The following SPNS3 variants were observed in gnomAD, a reference collection of about 807,000 sequenced individuals.
SPNS3 encodes the protein SPNS lysolipid transporter 3, sphingosine-1-phosphate (putative).
Under a neutral mutation model 54.4 loss-of-function variants are expected in SPNS3, and 51 were observed. The ratio of observed to expected loss-of-function variants is 0.94; its 90% CI spans 0.75 to 1.18. SPNS3 has a LOEUF of 1.18. Ranked by LOEUF, SPNS3 falls within the 50% of genes most tolerant of loss-of-function variation. The probability of loss-of-function intolerance (pLI) is 0.00; values close to 1 mark genes in which losing one functional copy is unlikely to be tolerated. For missense variants in SPNS3, 669 were observed against 677.4 expected (o/e 0.99, Z 0.14); for synonymous variants, 309 against 294.7 (o/e 1.05, Z -0.50).
At chr17:4,487,167 CAA>C (rs35822922) in intron 11 of SPNS3, among the ~76,000 whole-genome samples, 3,488 of 70,338 alleles carry the variant, frequency 0.05, 109 homozygotes, top group African/African-American at 0.18. Context: ...AAGACTGTCT[CAA>C]AAAAAAAAAA....
intron 2 of SPNS3, 168 bp from the exon 3 acceptor site, chr17:4,444,864 G>T: frequency 2.5e-6 from 2 of 801,146 alleles, no homozygotes; most frequent in Non-Finnish European, 4.0e-6. Context: ...GCTGCATGTT[G>T]GCCACGCACT....
At chr17:4,443,097 C>G (rs535182171) in intron 2 of SPNS3, among the ~76,000 whole-genome samples, 2 of 151,284 alleles carry the variant, frequency 1.3e-5, no homozygotes, top group African/African-American at 4.9e-5. Context: ...TTGAGAGAGA[C>G]TCTCGCTCTG....
intron 8 of SPNS3, among the ~76,000 whole-genome samples, chr17:4,469,310 C>T (rs1265746296): frequency 6.6e-6 from 1 of 152,006 alleles, no homozygotes; most frequent in African/African-American, 2.4e-5. Context: ...TGCTCTGGAA[C>T]TACTGGGCTT....
intron 9 of SPNS3, among the ~76,000 whole-genome samples, chr17:4,481,779 T>C (rs1209916374): frequency 6.6e-6 from 1 of 152,104 alleles, no homozygotes; most frequent in Non-Finnish European, 1.5e-5. Flanking sequence ...CCCCAGGCTA[T>C]AAGGATAGAA....
chr17:4,467,747 C>T (rs1186694492), intron 8 of SPNS3, among the ~76,000 whole-genome samples: 1 of 152,038 alleles, frequency 6.6e-6, no homozygotes, highest in African/African-American at 2.4e-5. Flanking sequence ...CTCACTGCAA[C>T]CTCTGCCTGC....
At chr17:4,477,309 G>A (rs2144198474) in intron 8 of SPNS3, among the ~76,000 whole-genome samples, 1 of 152,338 alleles carries the variant, frequency 6.6e-6, no homozygotes, top group East Asian at 1.9e-4. Context: ...GACAGGGCTG[G>A]TGCGTGGCAG....
At chr17:4,446,861 C>A in intron 4 of SPNS3, 35 bp from the exon 5 acceptor site, 1 of 1,605,660 alleles carries the variant, frequency 6.2e-7, no homozygotes, top group South Asian at 1.1e-5. Flanking sequence ...GCCTCCCTCC[C>A]CTCACAGCCC....
At position 4,449,382 on chromosome 17, in the gene SPNS3, C is replaced by T. The variant is rs145630563; in HGVS notation, c.918C>T (p.Pro306=). The T allele has an allele frequency of 2.3e-5, 37 of 1,594,362 alleles. No homozygotes were observed. In the African/African-American group the frequency reaches 2.4e-4, roughly 10 times the overall value. The change falls in exon 7 of 12, where the codon CCC becomes CCT. Residue 306 remains proline (P), a synonymous_variant. Transcript: ENST00000355530. ...GCTTCCAGGAGCCGTGCAGCAACCC[C>T]GACAGGTGAGGGCATCCGGGGGCCC... ...PPCFQEPCSN[P]DSLIFGALTI...
intron 2 of SPNS3, 149 bp from the exon 3 acceptor site, chr17:4,444,883 C>T: frequency 2.1e-6 from 2 of 953,004 alleles, no homozygotes; most frequent in Middle Eastern, 3.3e-4. Context: ...CTGTGAGGTT[C>T]ACCTTATCTT....
chr17:4,482,285 C>T (rs569621407), intron 9 of SPNS3: 4 of 152,238 alleles, frequency 2.6e-5, no homozygotes, highest in East Asian at 1.9e-4. Flanking sequence ...GGCTTGGAGA[C>T]GTCATTGTGC....
chr17:4,449,934 C>T (rs1003317047), intron 7 of SPNS3, among the ~76,000 whole-genome samples: 1 of 152,162 alleles, frequency 6.6e-6, no homozygotes. Flanking sequence ...CTGGGCTCCA[C>T]TTCTGTTCCT....
At chr17:4,474,205 T>A (rs1971929337) in intron 8 of SPNS3, among the ~76,000 whole-genome samples, 1 of 152,180 alleles carries the variant, frequency 6.6e-6, no homozygotes, top group Non-Finnish European at 1.5e-5. Flanking sequence ...CCCACCTGCC[T>A]GCCCACTGGC....
chr17:4,455,511 G>A (rs1048181794), intron 8 of SPNS3, among the ~76,000 whole-genome samples: 1 of 152,176 alleles, frequency 6.6e-6, no homozygotes, highest in African/African-American at 2.4e-5. Flanking sequence ...CCTGGTTTTT[G>A]CTTTGCCCAA....
At chr17:4,485,518 C>T (rs1434228517) in intron 9 of SPNS3, among the ~76,000 whole-genome samples, 10 of 152,132 alleles carry the variant, frequency 6.6e-5, no homozygotes, top group Non-Finnish European at 1.0e-4. Flanking sequence ...CTGCCTCAAC[C>T]TCCCGAGTAG....
intron 8 of SPNS3, among the ~76,000 whole-genome samples, chr17:4,468,492 G>A (rs2144151670): frequency 6.6e-6 from 1 of 152,184 alleles, no homozygotes; most frequent in South Asian, 2.1e-4. Flanking sequence ...GTGAAAGAAA[G>A]GAAGGAGTCC....
At chr17:4,446,986 C>T (rs1248268221) in intron 5 of SPNS3, 24 bp downstream of exon 5, 1 of 1,613,254 alleles carries the variant, frequency 6.2e-7, no homozygotes. Context: ...CCTTTTCTTC[C>T]CTCTGCTTTC....
intron 8 of SPNS3, 52 bp from the exon 9 acceptor site, chr17:4,478,520 G>C (rs1350982655): frequency 9.2e-6 from 14 of 1,516,756 alleles, no homozygotes; most frequent in African/African-American, 1.4e-5. Context: ...CAACAGGTGG[G>C]GTTGGTGACT....
chr17:4,450,580 T>TTTATA, intron 7 of SPNS3, among the ~76,000 whole-genome samples: 1 of 150,808 alleles, frequency 6.6e-6, no homozygotes, highest in Non-Finnish European at 1.5e-5. Context: ...TGCCTGGCTA[T>TTTATA]TTTTATTTTA....
chr17:4,454,397 G>A (rs1262420339), intron 8 of SPNS3, among the ~76,000 whole-genome samples: 2 of 152,244 alleles, frequency 1.3e-5, no homozygotes, highest in African/African-American at 4.8e-5. Context: ...CCCTGTGGCT[G>A]CAGACACAGA....
Sources: gnomAD v4.1 joint callset for allele counts (sites outside exome capture counted in the v4.1 genomes callset) on GRCh38, gnomAD v4.1.1 for gene constraint, MANE v1.5 for transcripts, NCBI Gene and HGNC (gene_info 2026-07-23, HGNC 2026-07-21) for gene names.